Variants in LRFN5 observed in about 807,000 individuals in gnomAD.
The protein encoded by LRFN5 is leucine-rich repeat and fibronectin type-III domain-containing protein 5.
In LRFN5, 24 loss-of-function variants were observed where a neutral mutation model predicts 45.6. The observed-to-expected ratio is 0.53, with a 90% CI of 0.38 to 0.74. The LOEUF (loss-of-function observed/expected upper bound fraction) is 0.74. LRFN5 is among the 30% of genes least tolerant of loss of function. The pLI is 0.00. For missense variants in LRFN5, 776 were observed against 861.5 expected, an observed-to-expected ratio of 0.90 and a Z score of 1.24; for synonymous variants, 340 against 313.8, an observed-to-expected ratio of 1.08 and a Z score of -0.88.
chr14:41,794,184 A>G (rs988181001), intron 2 of LRFN5, among the ~76,000 whole-genome samples: 1 of 152,078 alleles, frequency 6.6e-6, no homozygotes, highest in Non-Finnish European at 1.5e-5. Flanking sequence ...AGGATCTGCT[A>G]CATTTATTCA....
At chr14:41,775,245 C>T (rs1281986087) in intron 2 of LRFN5, among the ~76,000 whole-genome samples, 3 of 152,018 alleles carry the variant, frequency 2.0e-5, no homozygotes, top group Non-Finnish European at 4.4e-5. Flanking sequence ...CGCCCACCAC[C>T]AGGCCCGGCT....
At chr14:41,780,512 A>T (rs1886444018) in intron 2 of LRFN5, among the ~76,000 whole-genome samples, 1 of 151,894 alleles carries the variant, frequency 6.6e-6, no homozygotes, top group Admixed American at 6.6e-5. Context: ...CTTTCTTTTG[A>T]TTAGTGTTAG....
chr14:41,699,218 G>T (rs185931351), intron 1 of LRFN5, among the ~76,000 whole-genome samples: 2 of 152,090 alleles, frequency 1.3e-5, no homozygotes, highest in East Asian at 3.9e-4. Context: ...CTCTGGGGTA[G>T]GTTATGAAAT....
At chr14:41,624,761 A>G (rs1352042815) in intron 1 of LRFN5, among the ~76,000 whole-genome samples, 7 of 152,200 alleles carry the variant, frequency 4.6e-5, no homozygotes, top group Admixed American at 4.6e-4. Context: ...AAAGTTCTAA[A>G]TCATGCTTTT....
intron 2 of LRFN5, among the ~76,000 whole-genome samples, chr14:41,847,245 C>T (rs1475823526): frequency 6.6e-6 from 1 of 151,970 alleles, no homozygotes; most frequent in Non-Finnish European, 1.5e-5. Flanking sequence ...GTGAGCTAGT[C>T]CTCCTTTAAA....
chr14:41,784,611 G>A (rs190984927), intron 2 of LRFN5, among the ~76,000 whole-genome samples: 2 of 91,474 alleles, frequency 2.2e-5, no homozygotes, highest in African/African-American at 1.0e-4. Context: ...TTTGAAGCCT[G>A]TGTGTGTATG....
intron 1 of LRFN5, chr14:41,699,595 G>GT (rs1392096405): frequency 6.6e-6 from 1 of 152,084 alleles, no homozygotes; most frequent in Admixed American, 6.6e-5. Flanking sequence ...CAGCAGGACT[G>GT]TTTTATCTGC....
At chr14:41,671,617 G>GTTTTTTTTTTTTTCTTTTTTTTTT (rs1881226324) in intron 1 of LRFN5, among the ~76,000 whole-genome samples, 2 of 78,020 alleles carry the variant, frequency 2.6e-5, no homozygotes, top group African/African-American at 5.4e-5. Context: ...TTTTTTTTTC[G>GTTTTTTTTTTTTTCTTTTTTTTTT]TTTTTTTTTT....
chr14:41,889,897 TGTGTCTCCCAGGCTTGA>T (rs1216655421), intron 3 of LRFN5, among the ~76,000 whole-genome samples: 1 of 152,292 alleles, frequency 6.6e-6, no homozygotes, highest in East Asian at 1.9e-4. Context: ...AAGGTCTTGC[TGTGTCTCCCAGGCTTGA>T]GTGAAGTGGC....
rs201760109 is a variant in LRFN5 at position 41,681,824 on chromosome 14, ATTTTTTT to A, written c.-197+73268_-197+73274del. 1.2e-3 allele frequency among the ~76,000 whole-genome samples: 86 copies of A among 70,130 alleles called. 1 individual carries two copies. Among genetic ancestry groups the A allele is most frequent in the Non-Finnish European group, 1.7e-3 (67 of 38,738 alleles). The allele number at this position is 70,130 out of a possible 152,430, so 46.0% of individuals were successfully genotyped here. A position where few individuals can be genotyped will look rare whatever the true frequency, so the allele number is the denominator to read the frequency against. On this transcript the variant is annotated intron_variant, in intron 1 of 5. Transcript: ENST00000298119. ...TATTTATTTATTTATTTATTTATTT[ATTTTTTT>A]TTTTTGTGATGGAGTCTCACTCTGT...
At chr14:41,728,365 C>T (rs534752244) in intron 1 of LRFN5, among the ~76,000 whole-genome samples, 120 of 152,260 alleles carry the variant, frequency 7.9e-4, no homozygotes, top group Middle Eastern at 3.4e-3. Context: ...AAAAAGTTTA[C>T]GTGTCTGAGC....
At chr14:41,722,786 T>C (rs984998771) in intron 1 of LRFN5, among the ~76,000 whole-genome samples, 2 of 152,276 alleles carry the variant, frequency 1.3e-5, no homozygotes, top group Middle Eastern at 3.4e-3. Context: ...TAATTCTTGT[T>C]TACTGGGAGC....
chr14:41,893,433 C>T, intron 4 of LRFN5: 7 of 985,152 alleles, frequency 7.1e-6, no homozygotes, highest in Non-Finnish European at 8.4e-6. Context: ...AGAACTGACC[C>T]ATTGCTTTGC....
intron 1 of LRFN5, among the ~76,000 whole-genome samples, chr14:41,612,254 A>G (rs1264743382): frequency 6.6e-6 from 1 of 152,182 alleles, no homozygotes; most frequent in Non-Finnish European, 1.5e-5. Flanking sequence ...AATATCTACT[A>G]AATTATATAT....
At chr14:41,782,218 A>AT (rs1214645995) in intron 2 of LRFN5, among the ~76,000 whole-genome samples, 3 of 150,940 alleles carry the variant, frequency 2.0e-5, no homozygotes, top group Non-Finnish European at 3.0e-5. Context: ...TCTTTTTATT[A>AT]TTTTTTTTAA....
chr14:41,631,337 T>C (rs1185333351), intron 1 of LRFN5, among the ~76,000 whole-genome samples: 2 of 152,114 alleles, frequency 1.3e-5, no homozygotes, highest in Admixed American at 6.6e-5. Flanking sequence ...TCAAATCTAA[T>C]TGATCCTTCA....
At position 41,695,397 on chromosome 14, in the gene LRFN5, CAG is replaced by C. The variant is rs749251757; in HGVS notation, c.-196-71455_-196-71454del. Among the ~76,000 whole-genome samples the C allele has an allele frequency of 1.3e-4, 20 of 152,074 alleles. 1 individual carries two copies. In the East Asian group the frequency reaches 1.9e-3, roughly 15 times the overall value. On this transcript the variant is annotated intron_variant, in intron 1 of 5. Transcript: ENST00000298119. ...GAATTAAAGTGGCTACACTAAATAG[CAG>C]ATTTTCAATATAGACAAAACTACCT...
In LRFN5 at chr14:41,775,157, C is replaced by G. The variant is rs923649944; in HGVS notation, c.-21+8128C>G. 1.7e-4 allele frequency among the ~76,000 whole-genome samples: 22 copies of G among 127,258 alleles called. No homozygotes were observed. In the East Asian group the frequency reaches 5.5e-3, roughly 32 times the overall value. The allele number at this position is 127,258 out of a possible 152,430, so 83.5% of individuals were successfully genotyped here. On this transcript the variant is annotated intron_variant, in intron 2 of 5. Coordinates refer to ENST00000298119, the MANE Select transcript of LRFN5 (RefSeq NM_152447.5). ...CCAGGCTGGAGTGCAGTGGCGCGAT[C>G]TCGGCTCAATGCAAGCTCCGCCTCC...
intron 1 of LRFN5, among the ~76,000 whole-genome samples, chr14:41,661,443 G>A (rs1398020201): frequency 6.6e-6 from 1 of 152,008 alleles, no homozygotes; most frequent in Non-Finnish European, 1.5e-5. Context: ...TTGAATGTAA[G>A]TGGTTCAAGG....
Sources: allele counts gnomAD v4.1 joint callset (sites outside exome capture counted in the v4.1 genomes callset), GRCh38; gene constraint gnomAD v4.1.1; transcripts MANE v1.5; gene names NCBI Gene and HGNC (gene_info 2026-07-23, HGNC 2026-07-21).